The following EYS variants were observed in gnomAD, a reference collection of about 807,000 sequenced individuals.
EYS encodes the protein protein eyes shut homolog.
Under a neutral mutation model 282.1 loss-of-function variants are expected in EYS, and 250 were observed. That is an observed-to-expected ratio of 0.89 (90% CI 0.80 to 0.98). The LOEUF (loss-of-function observed/expected upper bound fraction) is 0.98. EYS is among the 50% of genes least tolerant of loss of function. The pLI is 0.00. For missense variants in EYS, 4,016 were observed against 3,709.0 expected (o/e 1.08, Z -2.15); for synonymous variants, 1,355 against 1,282.9 (o/e 1.06, Z -1.20).
At chr6:64,813,813 A>C (rs1294996100) in intron 21 of EYS, among the ~76,000 whole-genome samples, 1 of 152,014 alleles carries the variant, frequency 6.6e-6, no homozygotes, top group East Asian at 1.9e-4. Flanking sequence ...AATCATTATT[A>C]ATCTTTATAA....
chr6:64,501,687 C>T (rs594182), intron 26 of EYS, among the ~76,000 whole-genome samples: 9 of 151,930 alleles, frequency 5.9e-5, no homozygotes, highest in Admixed American at 2.6e-4. Context: ...ATTTTAAGGA[C>T]GTAAAACCAG....
intron 22 of EYS, among the ~76,000 whole-genome samples, chr6:64,645,586 G>A (rs1395815535): frequency 6.6e-6 from 1 of 152,190 alleles, no homozygotes; most frequent in Non-Finnish European, 1.5e-5. Flanking sequence ...CTTGGTAAAT[G>A]ACAGATGCTT....
chr6:64,675,276 A>G (rs538076146), intron 22 of EYS, among the ~76,000 whole-genome samples: 1 of 152,244 alleles, frequency 6.6e-6, no homozygotes, highest in South Asian at 2.1e-4. Context: ...TCTGTTCACT[A>G]TAATGTTTCC....
intron 12 of EYS, among the ~76,000 whole-genome samples, chr6:65,257,704 T>A (rs1767507102): frequency 6.6e-6 from 1 of 151,936 alleles, no homozygotes; most frequent in African/African-American, 2.4e-5. Context: ...TCAGGTAGTG[T>A]GATACCTCCA....
intron 33 of EYS, among the ~76,000 whole-genome samples, chr6:64,042,690 T>C (rs1770444033): frequency 6.6e-6 from 1 of 152,206 alleles, no homozygotes; most frequent in African/African-American, 2.4e-5. Context: ...GGCTTTTCGC[T>C]TTTTCTTCCA....
chr6:63,759,197 T>C (rs1165132870), intron 41 of EYS, among the ~76,000 whole-genome samples: 1 of 152,094 alleles, frequency 6.6e-6, no homozygotes, highest in African/African-American at 2.4e-5. Flanking sequence ...CTAATAATAA[T>C]TTAGGACTTG....
At chr6:64,241,435 G>A (rs796074543) in intron 30 of EYS, among the ~76,000 whole-genome samples, 3 of 152,020 alleles carry the variant, frequency 2.0e-5, no homozygotes, top group Non-Finnish European at 4.4e-5. Flanking sequence ...CGACTATTCA[G>A]GGATTTGACT....
intron 36 of EYS, among the ~76,000 whole-genome samples, chr6:63,810,845 C>G (rs1333442461): frequency 1.3e-5 from 2 of 152,158 alleles, no homozygotes; most frequent in Non-Finnish European, 2.9e-5. Context: ...TTTATTGTCT[C>G]TTATGAATTA....
Position 64,787,800 on chromosome 6 carries a change from C to T in EYS, c.3443+25578G>A, listed in dbSNP as rs537313580. Among the ~76,000 whole-genome samples the T allele has an allele frequency of 1.1e-3, 164 of 150,334 alleles. 1 individual carries two copies. Among genetic ancestry groups the T allele is most frequent in the African/African-American group, 3.8e-3 (156 of 41,096 alleles). On this transcript the variant is annotated intron_variant, in intron 22 of 42. Coordinates refer to ENST00000503581, the MANE Select transcript of EYS (RefSeq NM_001142800.2). ...CTCATTTTACTTCTGTGTGGCTTTT[C>T]TTTGGGGGAGAATTTGCTTTCTGGG...
intron 5 of EYS, among the ~76,000 whole-genome samples, chr6:65,486,472 A>T (rs1232539430): frequency 1.3e-5 from 2 of 152,186 alleles, no homozygotes; most frequent in Non-Finnish European, 1.5e-5. Context: ...CAGCTAAAAA[A>T]ATTTAAGTAC....
intron 31 of EYS, among the ~76,000 whole-genome samples, chr6:64,164,681 G>A (rs1471883061): frequency 1.3e-5 from 2 of 152,070 alleles, no homozygotes; most frequent in African/African-American, 4.8e-5. Flanking sequence ...TTTCCCATTA[G>A]TATGGCCTAG....
chr6:63,858,583 A>T (rs903774041), intron 36 of EYS, among the ~76,000 whole-genome samples: 1 of 152,210 alleles, frequency 6.6e-6, no homozygotes. Context: ...GTCTGCCTTC[A>T]ACAGAGAGAA....
At chr6:65,244,066 T>G (rs1767119692) in intron 12 of EYS, among the ~76,000 whole-genome samples, 1 of 152,218 alleles carries the variant, frequency 6.6e-6, no homozygotes, top group South Asian at 2.1e-4. Flanking sequence ...ACGCTCACTC[T>G]GATAAATGGC....
chr6:65,140,628 C>G (rs1371573733), intron 12 of EYS, among the ~76,000 whole-genome samples: 3 of 151,074 alleles, frequency 2.0e-5, no homozygotes, highest in African/African-American at 7.3e-5. Context: ...CTACAATGAA[C>G]TCAAACAAAT....
intron 31 of EYS, among the ~76,000 whole-genome samples, chr6:64,156,364 C>T (rs1774922677): frequency 6.6e-6 from 1 of 151,970 alleles, no homozygotes; most frequent in Admixed American, 6.6e-5. Context: ...TCATGTGGAA[C>T]TGTAAGTCCA....
intron 29 of EYS, among the ~76,000 whole-genome samples, chr6:64,352,302 T>C (rs1171490150): frequency 6.6e-6 from 1 of 151,558 alleles, no homozygotes; most frequent in Non-Finnish European, 1.5e-5. Flanking sequence ...AAAATGAGAA[T>C]AACAATATAG....
chr6:65,640,510 T>C (rs1320864921), intron 1 of EYS, among the ~76,000 whole-genome samples: 1 of 152,198 alleles, frequency 6.6e-6, no homozygotes, highest in Non-Finnish European at 1.5e-5. Flanking sequence ...CAAAATCAGC[T>C]ACTCCTCTGT....
chr6:65,498,440 G>A (rs1766329734), intron 2 of EYS, among the ~76,000 whole-genome samples: 2 of 151,976 alleles, frequency 1.3e-5, no homozygotes, highest in South Asian at 2.1e-4. Flanking sequence ...ATGTAAATGC[G>A]AGGAAACAAA....
chr6:64,804,759 T>G (rs1764372380), intron 22 of EYS, among the ~76,000 whole-genome samples: 1 of 152,270 alleles, frequency 6.6e-6, no homozygotes, highest in Middle Eastern at 3.4e-3. Flanking sequence ...ATCTGTGTAT[T>G]TATATTTTCT....
Sources: allele counts gnomAD v4.1 joint callset (sites outside exome capture counted in the v4.1 genomes callset), GRCh38; gene constraint gnomAD v4.1.1; transcripts MANE v1.5; gene names NCBI Gene and HGNC (gene_info 2026-07-23, HGNC 2026-07-21).